The following MAST4 variants were observed in gnomAD, a reference collection of about 807,000 sequenced individuals.
MAST4 encodes microtubule associated serine/threonine kinase family member 4.
A neutral mutation model predicts 162.7 loss-of-function variants in MAST4; 89 were observed. That is an observed-to-expected ratio of 0.55 (90% CI 0.46 to 0.65). MAST4 has a LOEUF of 0.65. MAST4 is among the 30% of genes least tolerant of loss of function. The pLI is 0.00. For missense variants in MAST4, 3,153 were observed against 3,374.0 expected, an observed-to-expected ratio of 0.93 and a Z score of 1.62; for synonymous variants, 1,479 against 1,361.1, an observed-to-expected ratio of 1.09 and a Z score of -1.91.
rs111246894 is a variant in MAST4, at chr5:67,022,486, C to T, written c.675-31918C>T. Reference sequence around the variant, plus strand: ...AATGAACATTGCATATACTTTAGGACGAAGAGCTTCTAAAGAATAAAATTC... The same window carrying T: ...AATGAACATTGCATATACTTTAGGATGAAGAGCTTCTAAAGAATAAAATTC... On this transcript the variant is annotated intron_variant, in intron 4 of 28. Coordinates refer to ENST00000403625, the MANE Select transcript of MAST4 (RefSeq NM_001164664.2). Among the ~76,000 whole-genome samples the T allele has an allele frequency of 6.0e-3, 908 of 151,530 alleles. 10 individuals carry two copies. Among genetic ancestry groups the T allele is most frequent in the African/African-American group, 0.021 (856 of 41,280 alleles).
At chr5:66,646,485 C>T (rs1401227499) in intron 1 of MAST4, among the ~76,000 whole-genome samples, 1 of 152,102 alleles carries the variant, frequency 6.6e-6, no homozygotes, top group African/African-American at 2.4e-5. Flanking sequence ...TCTGTTCCTA[C>T]TTGTCATTTC....
chr5:67,132,886 C>A (rs555432898), intron 16 of MAST4, among the ~76,000 whole-genome samples: 85 of 152,134 alleles, frequency 5.6e-4, no homozygotes, highest in African/African-American at 2.0e-3. Flanking sequence ...ATATTTCCAT[C>A]CAGTAGCTTT....
At chr5:66,939,273 G>A (rs1743109908) in intron 4 of MAST4, among the ~76,000 whole-genome samples, 1 of 152,060 alleles carries the variant, frequency 6.6e-6, no homozygotes, top group Admixed American at 6.6e-5. Context: ...TAAACACAGT[G>A]GAAGACAGGA....
intron 1 of MAST4, among the ~76,000 whole-genome samples, chr5:66,748,132 C>G (rs1163926259): frequency 1.3e-5 from 2 of 152,174 alleles, no homozygotes; most frequent in East Asian, 3.9e-4. Flanking sequence ...AGTCTTAATG[C>G]AAGGAACTGA....
At chr5:67,015,542 C>T (rs116578009) in intron 4 of MAST4, among the ~76,000 whole-genome samples, 1 of 152,132 alleles carries the variant, frequency 6.6e-6, no homozygotes, top group Admixed American at 6.5e-5. Context: ...GTGCTTTGCT[C>T]TGTTTTGTTT....
At chr5:67,080,255 T>C (rs1762443552) in intron 5 of MAST4, among the ~76,000 whole-genome samples, 1 of 152,236 alleles carries the variant, frequency 6.6e-6, no homozygotes, top group African/African-American at 2.4e-5. Context: ...TTCCAAATGA[T>C]TTAAAAATTT....
At chr5:66,794,421 A>G (rs930051987) in intron 3 of MAST4, among the ~76,000 whole-genome samples, 3 of 152,200 alleles carry the variant, frequency 2.0e-5, no homozygotes, top group South Asian at 2.1e-4. Flanking sequence ...AGTACTTTGC[A>G]TAGTGCCTGT....
chr5:67,166,832 C>T lies in MAST4; in HGVS notation c.7653C>T (p.Leu2551=), dbSNP rs764452062. The T allele has an allele frequency of 1.2e-6, 2 of 1,604,480 alleles. No homozygotes were observed. Among genetic ancestry groups the T allele is most frequent in the African/African-American group, 1.3e-5 (1 of 74,770 alleles). Residue 2551 remains leucine (L), a synonymous_variant, in exon 29 of 29, where the codon CTC becomes CTT. Coordinates refer to ENST00000403625, the MANE Select transcript of MAST4 (RefSeq NM_001164664.2). ...MGGASHRDRA[L]SVTATVGETK... is the part of the protein sequence containing the mutation. ...GGGCCAGCCACCGGGACAGGGCTCT[C>T]TCGGTGACTGCCACCGTAGGGGAAA...
At chr5:66,970,938 C>T (rs139726623) in intron 4 of MAST4, among the ~76,000 whole-genome samples, 12 of 152,324 alleles carry the variant, frequency 7.9e-5, no homozygotes, top group African/African-American at 2.9e-4. Context: ...TGCTCAAAAG[C>T]ACTCCCCTTT....
At chr5:67,106,763 A>G (rs770058022) in intron 10 of MAST4, among the ~76,000 whole-genome samples, 18 of 152,164 alleles carry the variant, frequency 1.2e-4, no homozygotes, top group Non-Finnish European at 2.1e-4. Context: ...AATGAATTGT[A>G]CTGACTTCTG....
At chr5:66,654,215 T>A (rs1248216240) in intron 1 of MAST4, among the ~76,000 whole-genome samples, 1 of 152,202 alleles carries the variant, frequency 6.6e-6, no homozygotes, top group Non-Finnish European at 1.5e-5. Context: ...TTTAATAATG[T>A]CCTGATGCTA....
intron 2 of MAST4, among the ~76,000 whole-genome samples, chr5:66,769,539 C>T (rs1410732720): frequency 6.6e-6 from 1 of 152,214 alleles, no homozygotes; most frequent in Non-Finnish European, 1.5e-5. Flanking sequence ...GTTTAGCCTA[C>T]TGTAACCTGT....
At chr5:66,818,666 T>A (rs1490880607) in intron 3 of MAST4, among the ~76,000 whole-genome samples, 1 of 152,204 alleles carries the variant, frequency 6.6e-6, no homozygotes, top group East Asian at 1.9e-4. Flanking sequence ...TTTATTTGTT[T>A]GTGTGTCTAT....
At chr5:66,675,508 T>A (rs1313779266) in intron 1 of MAST4, among the ~76,000 whole-genome samples, 1 of 151,822 alleles carries the variant, frequency 6.6e-6, no homozygotes, top group Non-Finnish European at 1.5e-5. Flanking sequence ...CCCACAAGTC[T>A]CATGTCTCAA....
intron 1 of MAST4, among the ~76,000 whole-genome samples, chr5:66,715,092 A>G (rs774362633): frequency 2.6e-5 from 4 of 152,138 alleles, no homozygotes; most frequent in Non-Finnish European, 4.4e-5. Flanking sequence ...GCTTCCCTAT[A>G]TACTCTTTCC....
chr5:66,836,821 A>G (rs1017345546), intron 3 of MAST4, among the ~76,000 whole-genome samples: 4 of 152,146 alleles, frequency 2.6e-5, no homozygotes, highest in Non-Finnish European at 4.4e-5. Context: ...AGGACAAAAA[A>G]ATGACATAGG....
chr5:66,660,076 A>G (rs1026062567), intron 1 of MAST4, among the ~76,000 whole-genome samples: 3 of 152,230 alleles, frequency 2.0e-5, no homozygotes, highest in African/African-American at 7.2e-5. Context: ...TGGGAAAGTG[A>G]AAGAGTGGCA....
intron 3 of MAST4, among the ~76,000 whole-genome samples, chr5:66,876,475 G>A (rs1761308678): frequency 6.6e-6 from 1 of 152,144 alleles, no homozygotes; most frequent in East Asian, 1.9e-4. Flanking sequence ...CCTCTGTGGT[G>A]GGAGACACTG....
intron 26 of MAST4, among the ~76,000 whole-genome samples, chr5:67,155,157 G>C (rs1469318885): frequency 1.3e-5 from 2 of 152,190 alleles, no homozygotes; most frequent in Non-Finnish European, 2.9e-5. Flanking sequence ...ATGTTTCATA[G>C]ATTCACATAT....
Sources: gnomAD v4.1 joint callset for allele counts (sites outside exome capture counted in the v4.1 genomes callset) on GRCh38, gnomAD v4.1.1 for gene constraint, MANE v1.5 for transcripts, NCBI Gene and HGNC (gene_info 2026-07-23, HGNC 2026-07-21) for gene names.